Variants in CPLX3 observed in about 807,000 individuals in gnomAD.
CPLX3 encodes the protein complexin 3, also known as complexin-3.
Under a neutral mutation model 17.2 loss-of-function variants are expected in CPLX3, and 12 were observed. That is an observed-to-expected ratio of 0.70 (90% CI 0.45 to 1.13). The LOEUF is 1.13. Ranked by LOEUF, CPLX3 falls within the 50% of genes most tolerant of loss-of-function variation. The pLI, the probability that CPLX3 is intolerant of heterozygous loss-of-function variation, is 0.00. For missense variants in CPLX3, 172 were observed against 203.2 expected (o/e 0.85, Z 0.93); for synonymous variants, 75 against 79.4 (o/e 0.94, Z 0.29).
rs144213956 is a variant in CPLX3 at position 74,830,185 on chromosome 15, G to A, written c.308G>A (p.Arg103Gln). The A allele has an allele frequency of 1.4e-5, 23 of 1,613,740 alleles. No individual in the cohort carries two copies. Among genetic ancestry groups the A allele is most frequent in the Admixed American group, 5.0e-5 (3 of 59,990 alleles). The stretch of plus-strand genomic sequence containing the variant: ...GCAGGTGGAGACGTGGAGCTGCCCC[G>A]GGAGCTGGCCAAGATGATCGAGGAG... ...QMAGGDVELP[R>Q]ELAKMIEEDT... Residue 103 changes from arginine to glutamine, a missense_variant, in exon 3 of 3, where the codon CGG (arginine) becomes CAG (glutamine). By Grantham distance (43) the Arg-to-Gln change is conservative. Coordinates refer to ENST00000395018, the MANE Select transcript of CPLX3 (RefSeq NM_001030005.3).
intron 2 of CPLX3, among the ~76,000 whole-genome samples, chr15:74,829,764 A>G (rs953843653): frequency 1.3e-5 from 2 of 152,150 alleles, no homozygotes; most frequent in South Asian, 4.1e-4. Flanking sequence ...TCAGCATCTC[A>G]GAGTGAAATA....
At position 74,826,882 on chromosome 15, in the gene CPLX3, T is replaced by C; in HGVS notation, c.164+15T>C. 1 of 1,568,610 alleles carries C rather than the reference T, an allele frequency of 6.4e-7. No homozygotes were observed. The highest frequency in any genetic ancestry group is 8.7e-7 in the Non-Finnish European group (1 of 1,149,790). On this transcript the variant is annotated intron_variant, in intron 1 of 2. Transcript: ENST00000395018. The surrounding 1 kb of genome is among the most constrained non-coding windows in gnomAD (Gnocchi z 5.0). ...GTGGAAGAGAAGTGAGTGGGATCCC[T>C]TCCTGGCTCCAACGACCTCCCCTCC...
chr15:74,828,952 C>T (rs754392633), intron 2 of CPLX3, among the ~76,000 whole-genome samples: 1 of 152,208 alleles, frequency 6.6e-6, no homozygotes, highest in Admixed American at 6.5e-5. Flanking sequence ...CAGAATATCA[C>T]CCTAGTGCAT....
intron 1 of CPLX3, among the ~76,000 whole-genome samples, chr15:74,827,210 G>C (rs1414469669): frequency 6.6e-6 from 1 of 152,162 alleles, no homozygotes; most frequent in Non-Finnish European, 1.5e-5. Context: ...TTCCAACTGG[G>C]GCTCCTCTGA....
intron 2 of CPLX3, among the ~76,000 whole-genome samples, chr15:74,829,142 C>T (rs1048393073): frequency 6.6e-6 from 1 of 152,198 alleles, no homozygotes; most frequent in Non-Finnish European, 1.5e-5. Flanking sequence ...GGAAATCTGT[C>T]ACGGGGAAAA....
At position 74,830,058 on chromosome 15, in the gene CPLX3, C is replaced by T. The variant is rs1324088725; in HGVS notation, c.253-72C>T. 5.9e-6 allele frequency: 7 copies of T among 1,192,804 alleles called. No individual in the cohort carries two copies. In the Admixed American group the frequency reaches 1.3e-4, roughly 23 times the overall value. 73.9% of individuals were successfully genotyped at this position (1,192,804 alleles called of 1,614,324 possible). A position where few individuals can be genotyped will look rare whatever the true frequency, so the allele number is the denominator to read the frequency against. ...GCCTGGAACCCAGTCCAAGCCTCCT[C>T]CCTGTCCTCTCAACTCTGGGTCCTC... On this transcript the variant is annotated intron_variant, in intron 2 of 2. Coordinates refer to ENST00000395018, the MANE Select transcript of CPLX3 (RefSeq NM_001030005.3).
chr15:74,830,547 T>C lies in CPLX3; in HGVS notation c.*193T>C. 1.7e-6 allele frequency: 1 copy of C among 586,692 alleles called. No individual in the cohort carries two copies. The highest frequency in any genetic ancestry group is 3.0e-6 in the Non-Finnish European group (1 of 329,482). The allele number at this position is 586,692 out of a possible 1,614,324, so 36.3% of individuals were successfully genotyped here. On this transcript the variant is annotated 3_prime_UTR_variant, in exon 3 of 3. Transcript: ENST00000395018. ...CTGGGAGTAAAGTCCCCATCTTCACTCTACCCTTCAGGACCCTCCCCACCA... is the reference window on the plus strand; with the variant it reads ...CTGGGAGTAAAGTCCCCATCTTCACCCTACCCTTCAGGACCCTCCCCACCA...
Position 74,826,726 on chromosome 15 carries a change from TG to T in CPLX3, c.25del (p.Val9TrpfsTer5), listed in dbSNP as rs1371971040. MAFMVKT[M>X]VGGQLKNLTG... ...ACCATGGCGTTCATGGTGAAGACCA[TG>T]GTGGGCGGCCAGCTGAAGAACCTCA... is the stretch of plus-strand genomic sequence containing the variant. On this transcript the variant is annotated frameshift_variant, in exon 1 of 3. Transcript: ENST00000395018. LOFTEE classifies it high-confidence loss of function. The surrounding 1 kb of genome is among the most constrained non-coding windows in gnomAD (Gnocchi z 5.0). 6.2e-7 allele frequency: 1 copy of T among 1,610,556 alleles called. No homozygotes were observed. The highest frequency in any genetic ancestry group is 1.3e-5 in the African/African-American group (1 of 74,460).
chr15:74,827,811 G>A (rs1292329491), intron 1 of CPLX3, among the ~76,000 whole-genome samples: 1 of 152,222 alleles, frequency 6.6e-6, no homozygotes, highest in Non-Finnish European at 1.5e-5. Flanking sequence ...CAGACAGACT[G>A]CCACCCTGGT....
At position 74,830,677 on chromosome 15, in the gene CPLX3, A is replaced by G; in HGVS notation, c.*323A>G. On this transcript the variant is annotated 3_prime_UTR_variant, in exon 3 of 3. Coordinates refer to ENST00000395018, the MANE Select transcript of CPLX3 (RefSeq NM_001030005.3). ...GGAGCACCCACAGAGAGACACACAC[A>G]GGACACAAAACCCCTGGCACGTTCA... 1 of 282,258 alleles carries G rather than the reference A, an allele frequency of 3.5e-6. No individual in the cohort carries two copies. The highest frequency in any genetic ancestry group is 6.8e-6 in the Non-Finnish European group (1 of 146,342). 17.5% of individuals were successfully genotyped at this position (282,258 alleles called of 1,614,324 possible).
At chr15:74,828,785 G>A (rs1014088569) in intron 2 of CPLX3, among the ~76,000 whole-genome samples, 1 of 152,208 alleles carries the variant, frequency 6.6e-6, no homozygotes, top group South Asian at 2.1e-4. Context: ...GAGTCTGCCC[G>A]TAGAGAGCCA....
At position 74,830,407 on chromosome 15, in the gene CPLX3, T is replaced by C. The variant is rs2141121483; in HGVS notation, c.*53T>C. The stretch of plus-strand genomic sequence containing the variant: ...TGGGCCCCCATGAGGGCTAAGAGTG[T>C]GTCAACTTCCAGGGACCCATACTCC... On this transcript the variant is annotated 3_prime_UTR_variant, in exon 3 of 3. Coordinates refer to ENST00000395018, the MANE Select transcript of CPLX3 (RefSeq NM_001030005.3). The C allele has an allele frequency of 6.9e-7, 1 of 1,454,764 alleles. No individual in the cohort carries two copies. Among genetic ancestry groups the C allele is most frequent in the East Asian group, 2.4e-5 (1 of 41,566 alleles). The allele number at this position is 1,454,764 out of a possible 1,614,324, so 90.1% of individuals were successfully genotyped here.
At position 74,830,285 on chromosome 15, in the gene CPLX3, A is replaced by G; in HGVS notation, c.408A>G (p.Ser136=). 1 of 1,613,912 alleles carries G rather than the reference A, an allele frequency of 6.2e-7. No individual in the cohort carries two copies. Among genetic ancestry groups the G allele is most frequent in the Non-Finnish European group, 8.5e-7 (1 of 1,180,040 alleles). ...GCCTTCCTGGCTTGAACCTGGGCTC[A>G]CTCAAGGACAAGGCCCAGGCCACAC... ...LASLPGLNLG[S]LKDKAQATLG... is the part of the protein sequence containing the mutation. Residue 136 remains serine, a synonymous_variant, in exon 3 of 3, where the codon TCA becomes TCG. Transcript: ENST00000395018.
rs368456365 is a variant in CPLX3 at position 74,826,913 on chromosome 15, C to G, written c.164+46C>G. ...GCTCCAACGACCTCCCCTCCCCACCCCCACAGCTGCTCAGTCCATCCCCGG... is the reference window on the plus strand; with the variant it reads ...GCTCCAACGACCTCCCCTCCCCACCGCCACAGCTGCTCAGTCCATCCCCGG... On this transcript the variant is annotated intron_variant, in intron 1 of 2. Coordinates refer to ENST00000395018, the MANE Select transcript of CPLX3 (RefSeq NM_001030005.3). The surrounding 1 kb of genome is among the most constrained non-coding windows in gnomAD (Gnocchi z 5.0). The G allele has an allele frequency of 1.9e-6, 3 of 1,542,348 alleles. No homozygotes were observed. Among genetic ancestry groups the G allele is most frequent in the Non-Finnish European group, 2.6e-6 (3 of 1,132,660 alleles).
chr15:74,828,284 C>T (rs955507118), intron 2 of CPLX3, among the ~76,000 whole-genome samples, 163 bp downstream of exon 2: 8 of 152,328 alleles, frequency 5.3e-5, no homozygotes, highest in Non-Finnish European at 1.2e-4. Context: ...TTCACTCACT[C>T]GTAGTTAAAT....
chr15:74,829,615 T>C (rs1020483290), intron 2 of CPLX3, among the ~76,000 whole-genome samples: 1 of 152,152 alleles, frequency 6.6e-6, no homozygotes, highest in Non-Finnish European at 1.5e-5. Context: ...ATAGATATAA[T>C]AGATGTTTGA....
chr15:74,830,211 GAC>G lies in CPLX3; in HGVS notation c.338_339del (p.Thr113ArgfsTer40). On this transcript the variant is annotated frameshift_variant, in exon 3 of 3. Transcript: ENST00000395018. LOFTEE classifies it high-confidence loss of function. Reference protein sequence around the residue: ...PRELAKMIEEDTEEEEEKASV... With the variant: ...PRELAKMIEEXTEEEEEKASV... ...GGAGCTGGCCAAGATGATCGAGGAGGACACAGAGGAGGAGGAGGAGAAGGCCT... is the reference window on the plus strand; with the variant it reads ...GGAGCTGGCCAAGATGATCGAGGAGGACAGAGGAGGAGGAGGAGAAGGCCT... 6.2e-7 allele frequency: 1 copy of G among 1,614,020 alleles called. No homozygotes were observed. Among genetic ancestry groups the G allele is most frequent in the Non-Finnish European group, 8.5e-7 (1 of 1,180,020 alleles).
At position 74,830,149 on chromosome 15, in the gene CPLX3, A is replaced by C. The variant is rs757054611; in HGVS notation, c.272A>C (p.Gln91Pro). The C allele has an allele frequency of 1.9e-6, 3 of 1,613,862 alleles. No homozygotes were observed. Among genetic ancestry groups the C allele is most frequent in the Non-Finnish European group, 2.5e-6 (3 of 1,179,956 alleles). Residue 91 changes from glutamine to proline, a missense_variant, in exon 3 of 3, where the codon CAG becomes CCG. Physicochemically the swap from Gln to Pro is moderately conservative, Grantham distance 76. Transcript: ENST00000395018. ...CTTCAGAACGAGACAGATGAGAGCC[A>C]GATCCAGATGGCAGGTGGAGACGTG... is the stretch of plus-strand genomic sequence containing the variant. ...RLPKNETDES[Q>P]IQMAGGDVEL...
chr15:74,830,012 A>AT, intron 2 of CPLX3, 118 bp from the exon 3 acceptor site: 1 of 738,728 alleles, frequency 1.4e-6, no homozygotes, highest in Non-Finnish European at 2.2e-6. Flanking sequence ...AAAAAAAAAA[A>AT]AGAAAAAATA....
Sources: allele counts gnomAD v4.1 joint callset (sites outside exome capture counted in the v4.1 genomes callset), GRCh38; gene constraint gnomAD v4.1.1; non-coding constraint Gnocchi (gnomAD v3.1); transcripts MANE v1.5; gene names NCBI Gene and HGNC (gene_info 2026-07-23, HGNC 2026-07-21).